PPARGC1A: variants seen among roughly 807,000 people sequenced by gnomAD.
PPARGC1A encodes PPARG coactivator 1 alpha.
PPARGC1A carries 25 observed loss-of-function variants against 88.7 expected under a neutral mutation model. The observed-to-expected ratio is 0.28, with a 90% confidence interval of 0.21 to 0.39. The LOEUF is 0.39. PPARGC1A is among the 10% of genes least tolerant of loss of function. PPARGC1A has a pLI of 1.00. For missense variants in PPARGC1A, 880 were observed against 968.7 expected (o/e 0.91, Z 1.22); for synonymous variants, 363 against 355.6 (o/e 1.02, Z -0.24).
the PPARGC1A span, among the ~76,000 whole-genome samples, chr4:24,428,630 G>A: frequency 5.9e-5 from 9 of 152,190 alleles, no homozygotes; most frequent in Non-Finnish European, 1.3e-4. Context: ...TTCTCTCCAA[G>A]TAAAGGACAC....
chr4:24,320,768 T>C, the PPARGC1A span, among the ~76,000 whole-genome samples: 7 of 152,304 alleles, frequency 4.6e-5, no homozygotes, highest in East Asian at 1.3e-3. Context: ...CTCTTACAGA[T>C]TCGATTCACG....
At chr4:23,804,550 A>C (rs1719413946) in intron 10 of PPARGC1A, among the ~76,000 whole-genome samples, 1 of 152,188 alleles carries the variant, frequency 6.6e-6, no homozygotes. Flanking sequence ...AATGACGTCC[A>C]TTAACTTCTA....
At chr4:23,890,592 G>T (rs766580184), upstream of PPARGC1A, among the ~76,000 whole-genome samples, 2 of 133,164 alleles carry the variant, frequency 1.5e-5, no homozygotes, top group African/African-American at 5.7e-5. Flanking sequence ...GTTTGAAAGC[G>T]CAAACGGGGC....
chr4:24,252,633 T>G, the PPARGC1A span, among the ~76,000 whole-genome samples: 1 of 152,230 alleles, frequency 6.6e-6, no homozygotes, highest in Non-Finnish European at 1.5e-5. Context: ...CAATGGAATA[T>G]GAGTGAGTGG....
the PPARGC1A span, among the ~76,000 whole-genome samples, chr4:24,369,528 T>A: frequency 2.6e-5 from 4 of 151,940 alleles, no homozygotes; most frequent in Non-Finnish European, 4.4e-5. Context: ...AGAGAAGCAG[T>A]ACAATCCCCA....
chr4:24,458,246 T>A, the PPARGC1A span, among the ~76,000 whole-genome samples: 1 of 152,150 alleles, frequency 6.6e-6, no homozygotes, highest in Non-Finnish European at 1.5e-5. Context: ...ACATCTGTAA[T>A]CCCAGCACTT....
the PPARGC1A span, among the ~76,000 whole-genome samples, chr4:24,008,356 C>G: frequency 0.15 from 23,511 of 152,002 alleles, 2,168 homozygotes; most frequent in East Asian, 0.3. Context: ...CTTTTTTTCC[C>G]CCTTGGCAGA....
chr4:24,263,776 G>A, the PPARGC1A span, among the ~76,000 whole-genome samples: 8 of 151,952 alleles, frequency 5.3e-5, no homozygotes, highest in Admixed American at 2.6e-4. Context: ...TTGAGACAGG[G>A]TCTCACTCTG....
At chr4:24,106,685 T>C in the PPARGC1A span, among the ~76,000 whole-genome samples, 5 of 152,236 alleles carry the variant, frequency 3.3e-5, no homozygotes, top group Non-Finnish European at 7.3e-5. Flanking sequence ...CCCCACCCTT[T>C]GAATCTCAGC....
At chr4:23,980,788 T>C in the PPARGC1A span, among the ~76,000 whole-genome samples, 3 of 152,104 alleles carry the variant, frequency 2.0e-5, no homozygotes, top group Non-Finnish European at 2.9e-5. Flanking sequence ...GTGGAGCCTA[T>C]ATTTTCAGGT....
At chr4:24,397,830 A>G in the PPARGC1A span, among the ~76,000 whole-genome samples, 2 of 152,240 alleles carry the variant, frequency 1.3e-5, no homozygotes, top group Non-Finnish European at 2.9e-5. Context: ...TAAAACAGCG[A>G]GATGCAAAAC....
At chr4:23,983,337 G>C in the PPARGC1A span, among the ~76,000 whole-genome samples, 1 of 152,076 alleles carries the variant, frequency 6.6e-6, no homozygotes, top group Admixed American at 6.6e-5. Context: ...AATGCATGAA[G>C]GACATCGTGA....
the PPARGC1A span, among the ~76,000 whole-genome samples, chr4:23,978,449 G>A: frequency 5.4e-3 from 827 of 152,262 alleles, 37 homozygotes; most frequent in East Asian, 0.088. Context: ...GGCAATTAAG[G>A]CGTCGAGCCT....
chr4:24,128,005 C>A, the PPARGC1A span, among the ~76,000 whole-genome samples: 1 of 152,106 alleles, frequency 6.6e-6, no homozygotes, highest in Non-Finnish European at 1.5e-5. Context: ...ATACTTCTGT[C>A]GAACTCCCTC....
chr4:24,101,322 G>A, the PPARGC1A span, among the ~76,000 whole-genome samples: 1 of 152,126 alleles, frequency 6.6e-6, no homozygotes, highest in Non-Finnish European at 1.5e-5. Context: ...GTTTCCTGAG[G>A]TCTCACCAGC....
the PPARGC1A span, among the ~76,000 whole-genome samples, chr4:24,223,629 C>T: frequency 6.6e-6 from 1 of 152,108 alleles, no homozygotes; most frequent in African/African-American, 2.4e-5. Flanking sequence ...GGTGATATTT[C>T]TTTTCTTCTT....
the PPARGC1A span, among the ~76,000 whole-genome samples, chr4:24,009,150 A>AAGAGAG: frequency 3.7e-3 from 293 of 79,668 alleles, 12 homozygotes; most frequent in Middle Eastern, 0.016. Flanking sequence ...AAAAAAAAAA[A>AAGAGAG]AGAGAGAGAA....
the PPARGC1A span, among the ~76,000 whole-genome samples, chr4:24,240,137 A>G: frequency 1.3e-5 from 2 of 152,176 alleles, no homozygotes; most frequent in Admixed American, 6.6e-5. Context: ...TTAAAAGACT[A>G]CCCATAATTT....
chr4:24,025,862 G>A, the PPARGC1A span, among the ~76,000 whole-genome samples: 2 of 150,466 alleles, frequency 1.3e-5, no homozygotes, highest in Admixed American at 1.3e-4. Context: ...GGAGGAGGAG[G>A]AAAAAAAAAT....
Sources: gnomAD v4.1 joint callset for allele counts (sites outside exome capture counted in the v4.1 genomes callset) on GRCh38, gnomAD v4.1.1 for gene constraint, MANE v1.5 for transcripts, NCBI Gene and HGNC (gene_info 2026-07-23, HGNC 2026-07-21) for gene names.